The following MYO1E variants were observed in gnomAD, a reference collection of about 807,000 sequenced individuals.
MYO1E encodes the protein myosin IE, also known as unconventional myosin-Ie.
MYO1E carries 68 observed loss-of-function variants against 151.1 expected under a neutral mutation model. The ratio of observed to expected loss-of-function variants is 0.45; its 90% CI spans 0.37 to 0.55. The LOEUF is 0.55. Ranked by LOEUF, MYO1E falls within the 20% of genes least tolerant of loss-of-function variation. MYO1E has a pLI of 0.00. For missense variants in MYO1E, 1,363 were observed against 1,389.3 expected (o/e 0.98, Z 0.30); for synonymous variants, 601 against 501.7 (o/e 1.20, Z -2.64).
chr15:59,272,165 G>C, intron 2 of MYO1E, 141 bp downstream of exon 2: 2 of 887,812 alleles, frequency 2.3e-6, no homozygotes, highest in Non-Finnish European at 3.7e-6. Context: ...TGTGTTGCCA[G>C]GATGGTCTGG....
intron 26 of MYO1E, among the ~76,000 whole-genome samples, chr15:59,151,501 T>G (rs956919666): frequency 6.6e-6 from 1 of 152,078 alleles, no homozygotes; most frequent in Admixed American, 6.5e-5. Flanking sequence ...TGAAGTGAGA[T>G]AAGACTTGCC....
intron 1 of MYO1E, among the ~76,000 whole-genome samples, chr15:59,346,699 A>G (rs2080796038): frequency 6.6e-6 from 1 of 152,150 alleles, no homozygotes; most frequent in African/African-American, 2.4e-5. Flanking sequence ...GGATCACTAG[A>G]GCCCAGGAGT....
intron 2 of MYO1E, among the ~76,000 whole-genome samples, chr15:59,269,165 T>C (rs1470181039): frequency 2.0e-5 from 3 of 152,182 alleles, no homozygotes; most frequent in South Asian, 2.1e-4. Flanking sequence ...CTCGGAAATA[T>C]GGGAAGCACT....
chr15:59,150,450 C>A (rs1320816408), intron 26 of MYO1E, among the ~76,000 whole-genome samples: 3 of 152,226 alleles, frequency 2.0e-5, no homozygotes, highest in Non-Finnish European at 4.4e-5. Flanking sequence ...TGCAAGTTTG[C>A]AACTTGCAAA....
At chr15:59,337,578 C>A (rs1196930379) in intron 1 of MYO1E, among the ~76,000 whole-genome samples, 2 of 152,198 alleles carry the variant, frequency 1.3e-5, no homozygotes, top group African/African-American at 4.8e-5. Flanking sequence ...CGCCTGTAAT[C>A]CCAGCACTTT....
intron 1 of MYO1E, among the ~76,000 whole-genome samples, chr15:59,297,883 A>T (rs547030536): frequency 6.6e-6 from 1 of 152,214 alleles, no homozygotes; most frequent in African/African-American, 2.4e-5. Context: ...TTTGTCTTTT[A>T]TGATGGTGAC....
At chr15:59,267,904 G>C (rs981209334) in intron 2 of MYO1E, among the ~76,000 whole-genome samples, 1 of 152,146 alleles carries the variant, frequency 6.6e-6, no homozygotes, top group East Asian at 1.9e-4. Flanking sequence ...ATTGGTAAAC[G>C]ATGTCAGCAT....
intron 1 of MYO1E, among the ~76,000 whole-genome samples, chr15:59,333,271 G>A (rs918980513): frequency 2.0e-4 from 30 of 151,726 alleles, no homozygotes; most frequent in African/African-American, 6.3e-4. Context: ...ACAGGGCCTC[G>A]CTCTGTTACC....
intron 1 of MYO1E, among the ~76,000 whole-genome samples, chr15:59,339,525 G>A (rs1293480913): frequency 6.6e-6 from 1 of 152,114 alleles, no homozygotes; most frequent in Non-Finnish European, 1.5e-5. Flanking sequence ...CCAGAACACA[G>A]CCCCTCCCAA....
chr15:59,285,592 AC>A (rs1472304416), intron 1 of MYO1E, among the ~76,000 whole-genome samples: 1 of 151,850 alleles, frequency 6.6e-6, no homozygotes, highest in African/African-American at 2.4e-5. Flanking sequence ...CAAGTGATCC[AC>A]CCACCTTGGC....
chr15:59,337,957 G>A (rs1273516868), intron 1 of MYO1E, among the ~76,000 whole-genome samples: 3 of 152,176 alleles, frequency 2.0e-5, no homozygotes, highest in African/African-American at 7.2e-5. Flanking sequence ...TGTCCATGAT[G>A]TGGCTAATAT....
At chr15:59,300,661 A>G (rs1324416439) in intron 1 of MYO1E, among the ~76,000 whole-genome samples, 1 of 152,106 alleles carries the variant, frequency 6.6e-6, no homozygotes, top group Non-Finnish European at 1.5e-5. Flanking sequence ...CCTTCTAGCT[A>G]TAAATCTTCC....
rs56164138 is a variant in MYO1E, at chr15:59,236,369, TACAC to T, written c.420+212_420+215del. Among the ~76,000 whole-genome samples, 27,776 of 117,376 alleles carry T rather than the reference TACAC, an allele frequency of 0.24. 4,497 individuals are homozygous for T. The highest frequency in any genetic ancestry group is 0.4 in the East Asian group (1,541 of 3,838). 77.0% of individuals were successfully genotyped at this position (117,376 alleles called of 152,430 possible). A position where few individuals can be genotyped will look rare whatever the true frequency, so the allele number is the denominator to read the frequency against. On this transcript the variant is annotated intron_variant, in intron 5 of 27. Coordinates refer to ENST00000288235, the MANE Select transcript of MYO1E (RefSeq NM_004998.4). ...TCAAAAAAGAAAAAAAAAAAATATA[TACAC>T]ACACACACACACACACACACACACA...
At chr15:59,366,447 G>A (rs1003979194) in intron 1 of MYO1E, among the ~76,000 whole-genome samples, 8 of 152,008 alleles carry the variant, frequency 5.3e-5, no homozygotes, top group African/African-American at 1.9e-4. Flanking sequence ...GACACCACAC[G>A]TGGCTAATTT....
At chr15:59,340,961 G>A (rs1454060281) in intron 1 of MYO1E, among the ~76,000 whole-genome samples, 1 of 139,650 alleles carries the variant, frequency 7.2e-6, no homozygotes, top group Non-Finnish European at 1.5e-5. Flanking sequence ...AGAGGTTGCA[G>A]TGAGCTGAGA....
Position 59,145,978 on chromosome 15 carries a change from C to T in MYO1E, c.3081-7611G>A, listed in dbSNP as rs576984784. Reference sequence around the variant, plus strand: ...GCCCTCACGACAGCACAGGCTCACTCATGTCTAAAAATGCCTTGCCAACTT... The same window carrying T: ...GCCCTCACGACAGCACAGGCTCACTTATGTCTAAAAATGCCTTGCCAACTT... On this transcript the variant is annotated intron_variant, in intron 26 of 27. Transcript: ENST00000288235. Among the ~76,000 whole-genome samples, 101 of 152,278 alleles carry T rather than the reference C, an allele frequency of 6.6e-4. 2 individuals carry two copies. In the South Asian group the frequency reaches 0.02, roughly 30 times the overall value.
chr15:59,151,065 G>T (rs1393846099), intron 26 of MYO1E, among the ~76,000 whole-genome samples: 4 of 143,648 alleles, frequency 2.8e-5, no homozygotes, highest in African/African-American at 1.1e-4. Flanking sequence ...GCGCGCGCAC[G>T]TGCACTTAGA....
chr15:59,199,715 A>G (rs545911993), intron 16 of MYO1E, among the ~76,000 whole-genome samples: 16 of 152,366 alleles, frequency 1.1e-4, no homozygotes, highest in Non-Finnish European at 1.5e-4. Context: ...AATGAAATCT[A>G]TAACACTACG....
At chr15:59,367,196 T>G (rs548730579) in intron 1 of MYO1E, among the ~76,000 whole-genome samples, 1 of 152,280 alleles carries the variant, frequency 6.6e-6, no homozygotes, top group Admixed American at 6.5e-5. Flanking sequence ...ACTTGGCTCA[T>G]GAGGAAACGC....
Sources: allele counts gnomAD v4.1 joint callset (sites outside exome capture counted in the v4.1 genomes callset), GRCh38; gene constraint gnomAD v4.1.1; transcripts MANE v1.5; gene names NCBI Gene and HGNC (gene_info 2026-07-23, HGNC 2026-07-21).